The following DYM variants were observed in gnomAD, a reference collection of about 807,000 sequenced individuals.
DYM encodes the protein dymeclin.
Under a neutral mutation model 93.1 loss-of-function variants are expected in DYM, and 78 were observed. That is an observed-to-expected ratio of 0.84 (90% CI 0.70 to 1.01). DYM has a LOEUF of 1.01. DYM is among the 50% of genes least tolerant of loss of function. DYM has a pLI of 0.00. For missense variants in DYM, 789 were observed against 845.0 expected, an observed-to-expected ratio of 0.93 and a Z score of 0.82; for synonymous variants, 321 against 319.7, an observed-to-expected ratio of 1.00 and a Z score of -0.04.
chr18:49,094,581 C>G (rs903529437), intron 17 of DYM, among the ~76,000 whole-genome samples: 2 of 152,136 alleles, frequency 1.3e-5, no homozygotes, highest in African/African-American at 4.8e-5. Context: ...ACTATTTACT[C>G]TGAACAGCCA....
At chr18:49,086,875 C>T (rs1401476363) in intron 17 of DYM, among the ~76,000 whole-genome samples, 2 of 151,966 alleles carry the variant, frequency 1.3e-5, no homozygotes, top group Admixed American at 6.5e-5. Flanking sequence ...GTAATCCCAG[C>T]GACTCGGGAG....
intron 17 of DYM, among the ~76,000 whole-genome samples, chr18:49,044,625 A>G (rs1270094726): frequency 6.6e-6 from 1 of 152,228 alleles, no homozygotes; most frequent in Non-Finnish European, 1.5e-5. Flanking sequence ...TCTGGAGGTG[A>G]GGACCTTCCC....
chr18:49,214,241 T>C (rs2092927088), intron 13 of DYM, among the ~76,000 whole-genome samples: 1 of 152,202 alleles, frequency 6.6e-6, no homozygotes, highest in African/African-American at 2.4e-5. Flanking sequence ...TCATCTGTAT[T>C]CAGAGCCACT....
chr18:49,106,856 A>G (rs2080868079), intron 16 of DYM, among the ~76,000 whole-genome samples: 1 of 152,072 alleles, frequency 6.6e-6, no homozygotes, highest in Admixed American at 6.5e-5. Flanking sequence ...CTTCATTGCA[A>G]CTTTAGTGAA....
In DYM at chr18:49,037,104, G is replaced by A. The variant is rs988904670; in HGVS notation, c.*6951C>T. Among the ~76,000 whole-genome samples the A allele has an allele frequency of 6.6e-6, 1 of 152,110 alleles. No homozygotes were observed. The highest frequency in any genetic ancestry group is 1.5e-5 in the Non-Finnish European group (1 of 68,010). ...TTTAGTAGAGACGGGGTTTCATCATGTTGGCCAGGCTGGTCTTGAACTCCT... is the reference window on the plus strand; with the variant it reads ...TTTAGTAGAGACGGGGTTTCATCATATTGGCCAGGCTGGTCTTGAACTCCT... On this transcript the variant is annotated 3_prime_UTR_variant, in exon 18 of 18. Coordinates refer to ENST00000675505, the MANE Select transcript of DYM (RefSeq NM_001353214.3).
intron 17 of DYM, among the ~76,000 whole-genome samples, chr18:49,058,813 CT>C (rs2075716176): frequency 6.6e-6 from 1 of 152,094 alleles, no homozygotes; most frequent in African/African-American, 2.4e-5. Context: ...TAATAAGACA[CT>C]TATATTTGGG....
chr18:49,321,800 A>C (rs1428925027), intron 8 of DYM, among the ~76,000 whole-genome samples: 1 of 152,144 alleles, frequency 6.6e-6, no homozygotes, highest in Non-Finnish European at 1.5e-5. Flanking sequence ...AAAATCTCTC[A>C]AATTATTCCA....
chr18:49,408,693 T>C (rs745889846), intron 2 of DYM, among the ~76,000 whole-genome samples: 1 of 152,198 alleles, frequency 6.6e-6, no homozygotes, highest in Non-Finnish European at 1.5e-5. Context: ...TAAAATGGCC[T>C]ACAGAGGAAC....
chr18:49,389,566 G>T (rs749701999), intron 3 of DYM, among the ~76,000 whole-genome samples: 2 of 151,982 alleles, frequency 1.3e-5, no homozygotes, highest in Non-Finnish European at 1.5e-5. Flanking sequence ...GCGCCATCAT[G>T]GTTCCCTGCA....
chr18:49,416,166 A>G (rs1440483436), intron 2 of DYM, among the ~76,000 whole-genome samples: 2 of 152,226 alleles, frequency 1.3e-5, no homozygotes, highest in African/African-American at 4.8e-5. Context: ...CTAATAGGTA[A>G]TTACTCCTTG....
chr18:49,045,934 C>T (rs73439636), intron 17 of DYM, among the ~76,000 whole-genome samples: 3,834 of 152,116 alleles, frequency 0.025, 157 homozygotes, highest in African/African-American at 0.086. Context: ...CCCATCACAG[C>T]GGGGAGAACT....
intron 13 of DYM, among the ~76,000 whole-genome samples, chr18:49,218,782 A>C (rs1342317824): frequency 2.0e-5 from 3 of 152,230 alleles, no homozygotes; most frequent in African/African-American, 7.2e-5. Context: ...TTATAGCACT[A>C]AATGCCCACA....
intron 1 of DYM, chr18:49,431,698 G>A (rs2080336013): frequency 6.6e-6 from 1 of 152,186 alleles, no homozygotes; most frequent in Non-Finnish European, 1.5e-5. Context: ...GGTCAGGTGA[G>A]AATGTGTATT....
At position 49,213,219 on chromosome 18, in the gene DYM, G is replaced by A. The variant is rs12457744; in HGVS notation, c.1461-3504C>T. 0.012 allele frequency among the ~76,000 whole-genome samples: 1,890 copies of A among 151,770 alleles called. 83 individuals are homozygous for A. The East Asian group carries it at 0.15, about 12-fold the overall frequency. Reference sequence around the variant, plus strand: ...AGTAATGCTTAAAAAAGATTCCAAGGTGAAGTTTTCTAATAATGTATTTTT... The same window carrying A: ...AGTAATGCTTAAAAAAGATTCCAAGATGAAGTTTTCTAATAATGTATTTTT... On this transcript the variant is annotated intron_variant, in intron 13 of 17. Coordinates refer to ENST00000675505, the MANE Select transcript of DYM (RefSeq NM_001353214.3).
At chr18:49,460,026 C>G (rs1189157033) in intron 1 of DYM, among the ~76,000 whole-genome samples, 10 of 152,090 alleles carry the variant, frequency 6.6e-5, no homozygotes, top group Admixed American at 6.5e-4. Flanking sequence ...GGTTAATTTT[C>G]TGATATGTTA....
intron 14 of DYM, among the ~76,000 whole-genome samples, chr18:49,195,946 C>T (rs11872567): frequency 0.99 from 124,976 of 125,962 alleles, 62,004 homozygotes; most frequent in Middle Eastern, 1. Context: ...TTTTTTGAGA[C>T]GGAGCCTCGC....
At chr18:49,318,258 A>G (rs2062164177) in intron 8 of DYM, among the ~76,000 whole-genome samples, 1 of 152,200 alleles carries the variant, frequency 6.6e-6, no homozygotes, top group Admixed American at 6.5e-5. Context: ...GCAATGAAGA[A>G]GGATCCGAAC....
intron 17 of DYM, among the ~76,000 whole-genome samples, chr18:49,089,585 T>C (rs1329503702): frequency 6.6e-6 from 1 of 152,206 alleles, no homozygotes; most frequent in Non-Finnish European, 1.5e-5. Context: ...AACTGGTCCA[T>C]ACAGTAGTGG....
chr18:49,374,445 A>T (rs779945032), intron 5 of DYM, among the ~76,000 whole-genome samples: 1 of 152,202 alleles, frequency 6.6e-6, no homozygotes, highest in African/African-American at 2.4e-5. Context: ...AGAGACAGAA[A>T]ATGTATTTTG....
Sources: gnomAD v4.1 joint callset for allele counts (sites outside exome capture counted in the v4.1 genomes callset) on GRCh38, gnomAD v4.1.1 for gene constraint, MANE v1.5 for transcripts, NCBI Gene and HGNC (gene_info 2026-07-23, HGNC 2026-07-21) for gene names.